HFM1: variants seen among roughly 807,000 people sequenced by gnomAD.
The protein encoded by HFM1 is helicase for meiosis 1.
A neutral mutation model predicts 192.1 loss-of-function variants in HFM1; 169 were observed. That is an observed-to-expected ratio of 0.88 (90% CI 0.78 to 1.00). HFM1 has a LOEUF of 1.00. Among genes scored for constraint, HFM1 ranks in the 50% least tolerant of loss-of-function variants. HFM1 has a pLI of 0.00. For synonymous variants in HFM1, 525 were observed against 537.8 expected (o/e 0.98, Z 0.33); for missense variants, 1,661 against 1,668.0 (o/e 1.00, Z 0.07).
intron 30 of HFM1, among the ~76,000 whole-genome samples, chr1:91,286,040 G>A (rs1230900912): frequency 1.3e-5 from 2 of 152,158 alleles, no homozygotes; most frequent in Non-Finnish European, 2.9e-5. Flanking sequence ...ATTTGGATGT[G>A]CCAAAGAGAA....
intron 30 of HFM1, among the ~76,000 whole-genome samples, chr1:91,296,610 T>C (rs958305587): frequency 6.6e-6 from 1 of 152,176 alleles, no homozygotes; most frequent in Admixed American, 6.5e-5. Flanking sequence ...AAAGATTAAT[T>C]TGGGGAGAAC....
rs75730412 is a variant in HFM1 at position 91,396,700 on chromosome 1, C to T, written c.72-295G>A. On this transcript the variant is annotated intron_variant, in intron 2 of 38. Coordinates refer to ENST00000370425, the MANE Select transcript of HFM1 (RefSeq NM_001017975.6). ...TCTTAAATCTGCTCCAATATAAAAA[C>T]AAAGTAGTAAATCATTCTCAAACTT... 3.1e-3 allele frequency among the ~76,000 whole-genome samples: 473 copies of T among 152,284 alleles called. 1 individual carries two copies. Among genetic ancestry groups the T allele is most frequent in the African/African-American group, 0.011 (437 of 41,568 alleles).
intron 6 of HFM1, among the ~76,000 whole-genome samples, chr1:91,384,572 T>C (rs1271964485): frequency 6.6e-6 from 1 of 152,180 alleles, no homozygotes; most frequent in Non-Finnish European, 1.5e-5. Flanking sequence ...TTGGCTGCTC[T>C]TTCTCAAAGG....
intron 4 of HFM1, among the ~76,000 whole-genome samples, chr1:91,393,720 G>T (rs1055399872): frequency 7.2e-5 from 11 of 151,740 alleles, no homozygotes; most frequent in Non-Finnish European, 1.2e-4. Flanking sequence ...TCCATACTGG[G>T]GCCAAAATGA....
At position 91,286,229 on chromosome 1, in the gene HFM1, T is replaced by A. The variant is rs577130828; in HGVS notation, c.3392-9167A>T. ...TTATCTTGACTTTTAACAGCACAGA[T>A]TAGTATATTAGTTTTCTAGGGTGGC... On this transcript the variant is annotated intron_variant, in intron 30 of 38. Coordinates refer to ENST00000370425, the MANE Select transcript of HFM1 (RefSeq NM_001017975.6). Among the ~76,000 whole-genome samples the A allele has an allele frequency of 2.6e-5, 4 of 152,292 alleles. No individual in the cohort carries two copies. In the South Asian group the frequency reaches 6.2e-4, roughly 24 times the overall value.
intron 21 of HFM1, 27 bp downstream of exon 21, chr1:91,324,648 T>A (rs770547673): frequency 9.8e-7 from 1 of 1,019,294 alleles, no homozygotes; most frequent in Non-Finnish European, 1.5e-6. Flanking sequence ...CCACTATGTA[T>A]TTTTTTTCTA....
upstream of HFM1, among the ~76,000 whole-genome samples, chr1:91,407,090 T>C (rs1664839540): frequency 6.6e-6 from 1 of 152,162 alleles, no homozygotes; most frequent in South Asian, 2.1e-4. Context: ...GGACATTAAA[T>C]ACACTCATAG....
Position 91,394,178 on chromosome 1 carries a change from C to A in HFM1, c.409G>T (p.Ala137Ser). The change falls in exon 4 of 39, where the codon GCA becomes TCA. Residue 137 changes from alanine (A) to serine (S), a missense_variant. Transcript: ENST00000370425. The stretch of plus-strand genomic sequence containing the variant: ...TCATCAGGAACACTCTTCTCAGGTG[C>A]TATCTCAGTGCCAATGTGATTTTTA... ...KYKNHIGTEI[A>S]PEKSVPDDTK... 1 of 1,607,362 alleles carries A rather than the reference C, an allele frequency of 6.2e-7. No homozygotes were observed. Among genetic ancestry groups the A allele is most frequent in the Non-Finnish European group, 8.5e-7 (1 of 1,174,096 alleles).
In HFM1 at chr1:91,386,369, GA is replaced by G. The variant is rs138916846; in HGVS notation, c.495-536del. ...TCAGTCAAGGACAGCAAGCCACCTT[GA>G]AGAGAGACCTGATAGCTCCTGTCAA... is the stretch of plus-strand genomic sequence containing the variant. On this transcript the variant is annotated intron_variant, in intron 4 of 38. Coordinates refer to ENST00000370425, the MANE Select transcript of HFM1 (RefSeq NM_001017975.6). Among the ~76,000 whole-genome samples the G allele has an allele frequency of 5.2e-4, 79 of 152,322 alleles. 2 individuals are homozygous for G. In the East Asian group the frequency reaches 0.012, roughly 24 times the overall value.
intron 30 of HFM1, among the ~76,000 whole-genome samples, chr1:91,300,010 A>C (rs1412527812): frequency 2.0e-5 from 3 of 152,304 alleles, no homozygotes; most frequent in Non-Finnish European, 2.9e-5. Context: ...GGTTTTTTGA[A>C]AGATAACAAA....
chr1:91,264,511 T>C (rs1665537188), intron 36 of HFM1, among the ~76,000 whole-genome samples: 1 of 148,790 alleles, frequency 6.7e-6, no homozygotes, highest in Non-Finnish European at 1.5e-5. Flanking sequence ...TAGCTGGGAC[T>C]ACAGGCGCCC....
At chr1:91,333,484 G>T (rs1654116780) in intron 20 of HFM1, among the ~76,000 whole-genome samples, 2 of 151,508 alleles carry the variant, frequency 1.3e-5, no homozygotes, top group South Asian at 4.2e-4. Context: ...AGGGGAGTTT[G>T]GTGGGGATGG....
At chr1:91,276,936 C>A in intron 31 of HFM1, 46 bp downstream of exon 31, 1 of 1,174,768 alleles carries the variant, frequency 8.5e-7, no homozygotes, top group East Asian at 2.4e-5. Flanking sequence ...CACCAAAGAC[C>A]TTTCAATTTT....
intron 30 of HFM1, among the ~76,000 whole-genome samples, chr1:91,289,511 G>A (rs1199231587): frequency 3.9e-5 from 6 of 152,162 alleles, no homozygotes; most frequent in Non-Finnish European, 8.8e-5. Flanking sequence ...CAAGGCAGGC[G>A]GCTGGGAGGT....
chr1:91,325,760 AAGGCAGCAGGAATG>A (rs1652806800), intron 20 of HFM1, among the ~76,000 whole-genome samples: 1 of 152,144 alleles, frequency 6.6e-6, no homozygotes, highest in African/African-American at 2.4e-5. Flanking sequence ...TGAACTAAAC[AAGGCAGCAGGAATG>A]AATCCTAGAA....
rs1557764957 is a variant in HFM1, at chr1:91,277,042, G to A, written c.3412C>T (p.Pro1138Ser). ...PNKGTTASKK[P>S]GNRECNHLCK... ...AGATGATTGCATTCTCGGTTCCCAG[G>A]TTTTTTGCTGGCAGTCGTTCCTAAA... The change falls in exon 31 of 39, where the codon CCT becomes TCT. Residue 1138 changes from proline to serine, a missense_variant. Transcript: ENST00000370425. The A allele has an allele frequency of 6.3e-7, 1 of 1,593,550 alleles. No homozygotes were observed. Among genetic ancestry groups the A allele is most frequent in the Non-Finnish European group, 8.6e-7 (1 of 1,169,324 alleles).
chr1:91,380,054 A>G (rs370190498), intron 8 of HFM1, 50 bp downstream of exon 8: 56 of 879,718 alleles, frequency 6.4e-5, no homozygotes, highest in African/African-American at 4.5e-4. Context: ...TTTTGCTTCA[A>G]TGGTTTTTCA....
intron 30 of HFM1, among the ~76,000 whole-genome samples, chr1:91,297,273 T>C (rs1333022581): frequency 6.6e-6 from 1 of 151,918 alleles, no homozygotes; most frequent in Non-Finnish European, 1.5e-5. Context: ...GACGCTTGAG[T>C]AGGTAAACAA....
chr1:91,293,454 A>C (rs1669019206), intron 30 of HFM1, among the ~76,000 whole-genome samples: 1 of 152,162 alleles, frequency 6.6e-6, no homozygotes, highest in Admixed American at 6.5e-5. Context: ...AAAAAGGCTC[A>C]CCATCACTGG....
Sources: allele counts gnomAD v4.1 joint callset (sites outside exome capture counted in the v4.1 genomes callset), GRCh38; gene constraint gnomAD v4.1.1; transcripts MANE v1.5; gene names NCBI Gene and HGNC (gene_info 2026-07-23, HGNC 2026-07-21).